The following CFAP65 variants were observed in gnomAD, a reference collection of about 807,000 sequenced individuals.
CFAP65 encodes the protein cilia- and flagella-associated protein 65.
CFAP65 carries 155 observed loss-of-function variants against 208.0 expected under a neutral mutation model. That is an observed-to-expected ratio of 0.75 (90% CI 0.65 to 0.85). The LOEUF (loss-of-function observed/expected upper bound fraction) is 0.85, where lower values mean the gene tolerates loss of function less well. Among genes scored for constraint, CFAP65 ranks in the 40% least tolerant of loss-of-function variants. The probability of loss-of-function intolerance (pLI) is 0.00; values close to 1 mark genes in which losing one functional copy is unlikely to be tolerated. For synonymous variants in CFAP65, 970 were observed against 986.3 expected (o/e 0.98, Z 0.31); for missense variants, 2,294 against 2,451.3 (o/e 0.94, Z 1.36).
rs1242401383 is a variant in CFAP65 at position 219,010,865 on chromosome 2, C to G, written c.4089G>C (p.Gln1363His). ...ACAAGACCCGGGCAGTGCTGCCTGG[C>G]TGGATCTCCCCTTTGGGGTTGAGGC... ...FCCLNPKGEI[Q>H]PGSTARVLWI... Residue 1363 changes from glutamine to histidine, a missense_variant, in exon 25 of 35, where the codon CAG (glutamine) becomes CAC (histidine). Coordinates refer to ENST00000341552, the MANE Select transcript of CFAP65 (RefSeq NM_194302.4). 6.2e-7 allele frequency: 1 copy of G among 1,613,616 alleles called. No homozygotes were observed. The highest frequency in any genetic ancestry group is 8.5e-7 in the Non-Finnish European group (1 of 1,179,890).
Position 219,029,465 on chromosome 2 carries a change from C to CACAGTG in CFAP65, c.1582_1587dup (p.His528_Cys529dup). On this transcript the variant is annotated inframe_insertion, in exon 11 of 35. Coordinates refer to ENST00000341552, the MANE Select transcript of CFAP65 (RefSeq NM_194302.4). ...ATGATGGGGTGAGTGGGCTGGAAGG[C>CACAGTG]ACAGTGCAGGGTCATACGGGCCTTG... 6.2e-7 allele frequency: 1 copy of CACAGTG among 1,614,080 alleles called. No homozygotes were observed. Among genetic ancestry groups the CACAGTG allele is most frequent in the Non-Finnish European group, 8.5e-7 (1 of 1,179,986 alleles).
intron 5 of CFAP65, chr2:219,035,142 G>T: frequency 2.0e-6 from 1 of 507,874 alleles, no homozygotes; most frequent in Non-Finnish European, 3.3e-6. Context: ...AAAATCACGT[G>T]AGCCTTCATA....
chr2:219,017,549 G>A (rs549817980), intron 21 of CFAP65, among the ~76,000 whole-genome samples: 2 of 152,266 alleles, frequency 1.3e-5, no homozygotes, highest in Non-Finnish European at 2.9e-5. Context: ...GCATAGGAGA[G>A]TCAATCTGCT....
intron 5 of CFAP65, chr2:219,035,089 C>G: frequency 2.4e-6 from 1 of 416,920 alleles, no homozygotes. Context: ...ACCAATTTAA[C>G]AACTACGCAG....
intron 14 of CFAP65, among the ~76,000 whole-genome samples, chr2:219,024,470 A>AGGGAGACGGGGGG (rs1168795562): frequency 4.3e-4 from 3 of 6,952 alleles, no homozygotes; most frequent in African/African-American, 1.4e-3. Context: ...ACCTCCAGAA[A>AGGGAGACGGGGGG]GGGGCGGGGG....
At chr2:219,016,467 G>A (rs1946894487) in intron 21 of CFAP65, among the ~76,000 whole-genome samples, 1 of 151,774 alleles carries the variant, frequency 6.6e-6, no homozygotes. Context: ...ACTAATTTTT[G>A]TATTTTTAGT....
rs1325678519 is a variant in CFAP65 at position 219,023,257 on chromosome 2, G to C, written c.2770C>G (p.Leu924Val). 1.2e-6 allele frequency: 2 copies of C among 1,613,078 alleles called. No individual in the cohort carries two copies. The highest frequency in any genetic ancestry group is 3.3e-5 in the Admixed American group (2 of 60,018). Residue 924 changes from leucine to valine, a missense_variant, in exon 16 of 35, where the codon CTG becomes GTG. Around this residue, in one of 2 missense-constraint regions of CFAP65, gnomAD observed 1,427 missense variants for 1,438.7 expected, o/e 0.99. Transcript: ENST00000341552. ...CCCCTGGAGGGCTGGACAGCCAGCA[G>C]CTTTCGATGCTGCTCAGAGACCCTC... ...EWRVSEQHRKLLAVQPSRGLI... is the reference protein window; with the variant it reads ...EWRVSEQHRKVLAVQPSRGLI...
chr2:219,014,768 T>C, intron 21 of CFAP65: 1 of 152,184 alleles, frequency 6.6e-6, no homozygotes, highest in Non-Finnish European at 1.5e-5. Flanking sequence ...AACGCACACC[T>C]GAGAGAAAGC....
rs1395137860 is a variant in CFAP65, at chr2:219,031,254, C to T, written c.867G>A (p.Leu289=). The T allele has an allele frequency of 6.2e-7, 1 of 1,613,844 alleles. No individual in the cohort carries two copies. Among genetic ancestry groups the T allele is most frequent in the South Asian group, 1.1e-5 (1 of 91,006 alleles). ...TWEFSSPFQM[L]PATGLLEPGQ... ...CTGGCTCCAGGAGCCCCGTGGCGGG[C>T]AGCATCTGGAATGGGCTGGAGAACT... Residue 289 remains leucine, a synonymous_variant, in exon 8 of 35, where the codon CTG becomes CTA. Transcript: ENST00000341552. This position sits in a 1 kb window ranked among gnomAD's most constrained non-coding sequence, Gnocchi z 5.2.
intron 22 of CFAP65, 112 bp downstream of exon 22, chr2:219,013,756 G>T: frequency 2.5e-6 from 3 of 1,179,956 alleles, no homozygotes; most frequent in South Asian, 2.7e-5. Context: ...AGGTGAGAAG[G>T]TGGTCCTCCC....
chr2:219,025,306 G>C (rs1427494249), intron 14 of CFAP65, among the ~76,000 whole-genome samples: 1 of 152,188 alleles, frequency 6.6e-6, no homozygotes, highest in African/African-American at 2.4e-5. Context: ...GCTGAATCTT[G>C]GGGTGGTATA....
Position 219,003,207 on chromosome 2 carries a change from T to C in CFAP65, c.5621A>G (p.Glu1874Gly). Residue 1874 changes from glutamate (E) to glycine (G), a missense_variant, in exon 34 of 35, where the codon GAG becomes GGG. Glu to Gly is a moderately conservative substitution (Grantham distance 98). This residue lies in a region of CFAP65 where 1,427 missense variants were observed against 1,438.7 expected (regional missense o/e 0.99). Coordinates refer to ENST00000341552, the MANE Select transcript of CFAP65 (RefSeq NM_194302.4). This position sits in a 1 kb window ranked among gnomAD's most constrained non-coding sequence, Gnocchi z 4.4. ...LENMIQNILV[E>G]ASRGEVVLTS... ...GAGTACCACCTCCCCGCGGCTCGCC[T>C]CCACCAGGATGTTCTGGATCATGTT... The C allele has an allele frequency of 6.5e-7, 1 of 1,548,668 alleles. No homozygotes were observed. Among genetic ancestry groups the C allele is most frequent in the Non-Finnish European group, 8.7e-7 (1 of 1,145,986 alleles).
In CFAP65 at chr2:219,003,784, C is replaced by T. The variant is rs1945745863; in HGVS notation, c.5555+168G>A. The stretch of plus-strand genomic sequence containing the variant: ...AAAGAATAAAGTTCAGTGTTGGTGC[C>T]GGGCGGATACTCCCACAGAGGCCTT... On this transcript the variant is annotated intron_variant, in intron 33 of 34. Coordinates refer to ENST00000341552, the MANE Select transcript of CFAP65 (RefSeq NM_194302.4). This position sits in a 1 kb window ranked among gnomAD's most constrained non-coding sequence, Gnocchi z 4.4. Among the ~76,000 whole-genome samples the T allele has an allele frequency of 6.6e-6, 1 of 152,170 alleles. No homozygotes were observed.
chr2:219,003,153 G>C lies in CFAP65; in HGVS notation c.5675C>G (p.Pro1892Arg), dbSNP rs545869238. ...LTSRPRVIALPPFCVPRSLTP... is the reference protein window; with the variant it reads ...LTSRPRVIALRPFCVPRSLTP... Reference sequence around the variant, plus strand: ...CCCTTACCTGGGCACGCAGAACGGCGGCAGGGCGATGACGCGTGGCCGCGA... The same window carrying C: ...CCCTTACCTGGGCACGCAGAACGGCCGCAGGGCGATGACGCGTGGCCGCGA... The change falls in exon 34 of 35, where the codon CCG becomes CGG. Residue 1892 changes from proline to arginine, a missense_variant. This residue lies in a region of CFAP65 where 1,427 missense variants were observed against 1,438.7 expected (regional missense o/e 0.99). Transcript: ENST00000341552. This position sits in a 1 kb window ranked among gnomAD's most constrained non-coding sequence, Gnocchi z 4.4. 2.6e-6 allele frequency: 4 copies of C among 1,544,560 alleles called. No individual in the cohort carries two copies. The highest frequency in any genetic ancestry group is 3.5e-6 in the Non-Finnish European group (4 of 1,143,208).
intron 25 of CFAP65, 45 bp downstream of exon 25, chr2:219,010,760 A>G (rs1946418371): frequency 1.3e-6 from 2 of 1,587,072 alleles, no homozygotes; most frequent in Non-Finnish European, 8.6e-7. Flanking sequence ...CTGCTGAGGA[A>G]GCCAGCACCA....
rs534282723 is a variant in CFAP65, at chr2:219,029,722, C to T, written c.1385-54G>A. 49 of 1,583,252 alleles carry T rather than the reference C, an allele frequency of 3.1e-5. No homozygotes were observed. In the South Asian group the frequency reaches 3.4e-4, roughly 11 times the overall value. On this transcript the variant is annotated intron_variant, in intron 10 of 34. Coordinates refer to ENST00000341552, the MANE Select transcript of CFAP65 (RefSeq NM_194302.4). The stretch of plus-strand genomic sequence containing the variant: ...CCCCAAGGATATCTTAGACAAAGTT[C>T]CACTGAAGGGAGGTGGTACTCTCAG...
intron 26 of CFAP65, 29 bp downstream of exon 26, chr2:219,010,517 T>C: frequency 6.3e-7 from 1 of 1,599,458 alleles, no homozygotes; most frequent in Non-Finnish European, 8.5e-7. Context: ...CCACAAGGCC[T>C]CAGGCCTTCC....
In CFAP65 at chr2:219,032,497, G is replaced by A; in HGVS notation, c.618C>T (p.Leu206=). 3 of 1,603,660 alleles carry A rather than the reference G, an allele frequency of 1.9e-6. No homozygotes were observed. Among genetic ancestry groups the A allele is most frequent in the Non-Finnish European group, 1.7e-6 (2 of 1,175,318 alleles). The change falls in exon 6 of 35, where the codon CTC becomes CTT. Residue 206 remains leucine (L), a synonymous_variant. Transcript: ENST00000341552. The surrounding 1 kb of genome is among the most constrained non-coding windows in gnomAD (Gnocchi z 5.5). The part of the protein sequence containing the change: ...IFLSPGITLT[L]PIVFRPLEAK... The stretch of plus-strand genomic sequence containing the variant: ...CCTCCAGAGGCCGGAAGACGATGGG[G>A]AGCGTGAGGGTTATGCCTGGGCTCA...
At chr2:219,037,615 G>A (rs569179125) in intron 4 of CFAP65, among the ~76,000 whole-genome samples, 1 of 152,312 alleles carries the variant, frequency 6.6e-6, no homozygotes, top group East Asian at 1.9e-4. Flanking sequence ...AGGAAGAGAA[G>A]AGAAATGCCC....
Sources: gnomAD v4.1 joint callset for allele counts (sites outside exome capture counted in the v4.1 genomes callset) on GRCh38, gnomAD v4.1.1 for gene constraint, gnomAD v4.1.1 regional missense constraint, Gnocchi (gnomAD v3.1) non-coding constraint, MANE v1.5 for transcripts, NCBI Gene and HGNC (gene_info 2026-07-23, HGNC 2026-07-21) for gene names.